STARD3: variants seen among roughly 807,000 people sequenced by gnomAD.
The protein encoded by STARD3 is stAR-related lipid transfer protein 3.
STARD3 carries 39 observed loss-of-function variants against 62.0 expected under a neutral mutation model. That is an observed-to-expected ratio of 0.63 (90% CI 0.49 to 0.82). STARD3 has a LOEUF of 0.82. Ranked by LOEUF, STARD3 falls within the 40% of genes least tolerant of loss-of-function variation. The probability of loss-of-function intolerance (pLI) is 0.00; values close to 1 mark genes in which losing one functional copy is unlikely to be tolerated. For synonymous variants in STARD3, 229 were observed against 242.4 expected, an observed-to-expected ratio of 0.94 and a Z score of 0.51; for missense variants, 543 against 584.5, an observed-to-expected ratio of 0.93 and a Z score of 0.73.
rs1278070890 is a variant in STARD3, at chr17:39,663,970, C to T, written c.*1062C>T. On this transcript the variant is annotated 3_prime_UTR_variant, in exon 15 of 15. Transcript: ENST00000336308. ...CTGGAGCCCGGATCGCAGGGCGGGGCCAGGCCACTGCCTGCCTTCCTCCTC... is the reference window on the plus strand; with the variant it reads ...CTGGAGCCCGGATCGCAGGGCGGGGTCAGGCCACTGCCTGCCTTCCTCCTC... Among the ~76,000 whole-genome samples, 1 of 152,146 alleles carries T rather than the reference C, an allele frequency of 6.6e-6. No individual in the cohort carries two copies. The highest frequency in any genetic ancestry group is 1.9e-4 in the East Asian group (1 of 5,164).
chr17:39,638,791 T>C (rs1432550106), intron 1 of STARD3, among the ~76,000 whole-genome samples: 4 of 152,206 alleles, frequency 2.6e-5, no homozygotes. Context: ...GAGGATTGAA[T>C]GGAATATTGT....
chr17:39,649,356 A>T (rs576186979), intron 1 of STARD3, among the ~76,000 whole-genome samples: 2 of 152,360 alleles, frequency 1.3e-5, no homozygotes, highest in South Asian at 4.1e-4. Flanking sequence ...TATTCACTGC[A>T]GCATTTCTGG....
At chr17:39,644,131 G>A (rs1307658407) in intron 1 of STARD3, among the ~76,000 whole-genome samples, 1 of 152,174 alleles carries the variant, frequency 6.6e-6, no homozygotes, top group Non-Finnish European at 1.5e-5. Context: ...GATGTGTGGA[G>A]GACCTGTGTC....
intron 1 of STARD3, among the ~76,000 whole-genome samples, chr17:39,642,093 A>T (rs2056987214): frequency 6.6e-6 from 1 of 152,248 alleles, no homozygotes; most frequent in Middle Eastern, 3.2e-3. Flanking sequence ...AGGTCATTCA[A>T]GAATGAGGAA....
In STARD3 at chr17:39,662,247, A is replaced by G. The variant is rs1471381568; in HGVS notation, c.1140-4A>G. ...AGTCCCCCCAATGATGCCTCTTTCC[A>G]TAGGGGAGAGAATGGCCCTGGGGGC... On this transcript the variant is annotated splice_region_variant and splice_polypyrimidine_tract_variant and intron_variant, in intron 13 of 14. Coordinates refer to ENST00000336308, the MANE Select transcript of STARD3 (RefSeq NM_006804.4). The G allele has an allele frequency of 2.5e-6, 4 of 1,613,278 alleles. No homozygotes were observed. The South Asian group carries it at 4.4e-5, about 18-fold the overall frequency.
chr17:39,643,542 C>G (rs2056998847), intron 1 of STARD3, among the ~76,000 whole-genome samples: 1 of 152,174 alleles, frequency 6.6e-6, no homozygotes, highest in Non-Finnish European at 1.5e-5. Flanking sequence ...CATCTGGATG[C>G]AGTGCAACCT....
Position 39,653,642 on chromosome 17 carries a change from T to TCCG in STARD3, c.117_119dup (p.Pro40dup). On this transcript the variant is annotated inframe_insertion, in exon 2 of 15. Transcript: ENST00000336308. ...GCCAGAGCCTCTCCTCGCACCTCCT[T>TCCG]CCGCCGCCTGAGAAGCGAAGGGCCA... 6.2e-7 allele frequency: 1 copy of TCCG among 1,614,006 alleles called. No individual in the cohort carries two copies. Among genetic ancestry groups the TCCG allele is most frequent in the Admixed American group, 1.7e-5 (1 of 60,030 alleles).
At position 39,659,032 on chromosome 17, in the gene STARD3, C is replaced by G. The variant is rs1413973486; in HGVS notation, c.647-19C>G. ...TCTCCCCACCCCTTGCCATTGTCAT[C>G]TGTGCCTGTTTTCTGCAGGGTCTGA... is the stretch of plus-strand genomic sequence containing the variant. On this transcript the variant is annotated intron_variant, in intron 7 of 14. Coordinates refer to ENST00000336308, the MANE Select transcript of STARD3 (RefSeq NM_006804.4). 6.2e-7 allele frequency: 1 copy of G among 1,614,162 alleles called. No homozygotes were observed. Among genetic ancestry groups the G allele is most frequent in the Non-Finnish European group, 8.5e-7 (1 of 1,179,994 alleles).
At chr17:39,637,574 TGA>T (rs1317900936) in intron 1 of STARD3, 1 of 152,150 alleles carries the variant, frequency 6.6e-6, no homozygotes, top group African/African-American at 2.4e-5. Context: ...GAATCTGGGG[TGA>T]GAGGAAAACA....
intron 1 of STARD3, among the ~76,000 whole-genome samples, chr17:39,648,258 G>C (rs1467230861): frequency 6.6e-6 from 1 of 152,158 alleles, no homozygotes; most frequent in Non-Finnish European, 1.5e-5. Context: ...CTGCACTCCA[G>C]CCTGGGCGAC....
intron 2 of STARD3, among the ~76,000 whole-genome samples, chr17:39,656,002 G>C (rs971741067): frequency 1.4e-5 from 2 of 144,172 alleles, no homozygotes; most frequent in Non-Finnish European, 3.0e-5. Flanking sequence ...GGGTGGTGTG[G>C]GTTGGGTGGG....
At chr17:39,655,834 G>A (rs1054038514) in intron 2 of STARD3, among the ~76,000 whole-genome samples, 12 of 152,048 alleles carry the variant, frequency 7.9e-5, no homozygotes, top group Non-Finnish European at 1.5e-4. Flanking sequence ...GAGTGGCAAA[G>A]CAGGGGCTGA....
intron 5 of STARD3, 75 bp downstream of exon 5, chr17:39,658,101 C>CT (rs1256313206): frequency 1.3e-6 from 2 of 1,483,214 alleles, no homozygotes; most frequent in Admixed American, 3.9e-5. Context: ...GAGCATTTCT[C>CT]TAATTTGGGG....
intron 1 of STARD3, 92 bp from the exon 2 acceptor site, chr17:39,653,389 A>G: frequency 1.2e-6 from 1 of 852,492 alleles, no homozygotes; most frequent in African/African-American, 1.7e-5. Flanking sequence ...CAGTGTAGAG[A>G]CAAATGCGTT....
intron 1 of STARD3, among the ~76,000 whole-genome samples, chr17:39,651,569 TTC>T (rs2057078351): frequency 6.6e-6 from 1 of 152,038 alleles, no homozygotes; most frequent in African/African-American, 2.4e-5. Flanking sequence ...TCCTCTGACT[TTC>T]TTTTTTTTTT....
At position 39,653,717 on chromosome 17, in the gene STARD3, C is replaced by T. The variant is rs2057099974; in HGVS notation, c.186C>T (p.Leu62=). The T allele has an allele frequency of 6.2e-7, 1 of 1,614,194 alleles. No homozygotes were observed. The stretch of plus-strand genomic sequence containing the variant: ...GTCTCTTCGTCACCTTCGACCTGCT[C>T]TTCATCTCCCTGCTCTGGATCATCG... ...TFCLFVTFDL[L]FISLLWIIEL... is the part of the protein sequence containing the mutation. Residue 62 remains leucine, a synonymous_variant, in exon 2 of 15, where the codon CTC becomes CTT. Transcript: ENST00000336308.
chr17:39,646,790 G>C (rs2057030110), intron 1 of STARD3, among the ~76,000 whole-genome samples: 2 of 152,212 alleles, frequency 1.3e-5, no homozygotes, highest in African/African-American at 4.8e-5. Flanking sequence ...AGAAGGCCTG[G>C]AAAGCGGTGT....
intron 8 of STARD3, 81 bp from the exon 9 acceptor site, chr17:39,659,380 T>A: frequency 7.3e-7 from 1 of 1,373,350 alleles, no homozygotes; most frequent in South Asian, 1.2e-5. Context: ...GCATGTGGTA[T>A]GTCTAGAGAG....
Position 39,662,877 on chromosome 17 carries a change from A to G in STARD3, c.1307A>G (p.Gln436Arg), listed in dbSNP as rs2057216223. Residue 436 changes from glutamine (Q) to arginine (R), a missense_variant, in exon 15 of 15, where the codon CAG (glutamine) becomes CGG (arginine). Coordinates refer to ENST00000336308, the MANE Select transcript of STARD3 (RefSeq NM_006804.4). ...TMFEFAFHLR[Q>R]RISELGARA ...TTTGAATTTGCCTTTCACCTGCGAC[A>G]GCGCATCAGCGAGCTGGGGGCCCGG... The G allele has an allele frequency of 6.2e-7, 1 of 1,612,312 alleles. No homozygotes were observed. The highest frequency in any genetic ancestry group is 1.3e-5 in the African/African-American group (1 of 74,978).
Sources: allele counts gnomAD v4.1 joint callset (sites outside exome capture counted in the v4.1 genomes callset), GRCh38; gene constraint gnomAD v4.1.1; transcripts MANE v1.5; gene names NCBI Gene and HGNC (gene_info 2026-07-23, HGNC 2026-07-21).